RTL9: variants seen among roughly 807,000 people sequenced by gnomAD.
The protein encoded by RTL9 is retrotransposon Gag-like protein 9.
Under a neutral mutation model 44.7 loss-of-function variants are expected in RTL9, and 19 were observed. That is an observed-to-expected ratio of 0.42 (90% CI 0.30 to 0.62). The LOEUF is 0.62. RTL9 is among the 20% of genes least tolerant of loss of function. The probability of loss-of-function intolerance (pLI) is 0.16; values close to 1 mark genes in which losing one functional copy is unlikely to be tolerated. For missense variants in RTL9, 1,105 were observed against 1,080.6 expected (o/e 1.02, Z -0.32); for synonymous variants, 407 against 398.9 (o/e 1.02, Z -0.24).
chrX:110,445,785 A>G (rs1287601987), upstream of RTL9, among the ~76,000 whole-genome samples: 1 of 112,206 alleles, frequency 8.9e-6, no homozygotes, highest in Non-Finnish European at 1.9e-5. Context: ...CGGCAGGAGC[A>G]TGACACCTCC....
intron 1 of RTL9, among the ~76,000 whole-genome samples, chrX:110,396,605 T>C (rs1411971706): frequency 1.8e-5 from 2 of 111,893 alleles, no homozygotes; most frequent in East Asian, 5.6e-4. Flanking sequence ...GTGTATTGGG[T>C]ACTCACAATG....
intron 1 of RTL9, among the ~76,000 whole-genome samples, chrX:110,391,911 A>T (rs1184800663): frequency 1.8e-5 from 2 of 112,385 alleles, no homozygotes; most frequent in Non-Finnish European, 3.8e-5. Context: ...GGCTTAAAAA[A>T]ATGTGAAAAA....
intron 1 of RTL9, among the ~76,000 whole-genome samples, chrX:110,442,093 G>C (rs969739269): frequency 7.2e-5 from 8 of 111,219 alleles, no homozygotes; most frequent in Non-Finnish European, 1.1e-4. Context: ...GGACTGAGCA[G>C]GTCGCTGAAA....
intron 1 of RTL9, among the ~76,000 whole-genome samples, chrX:110,400,257 A>T (rs1473426337): frequency 9.4e-6 from 1 of 106,044 alleles, no homozygotes; most frequent in African/African-American, 3.5e-5. Context: ...CTGCCAGGCT[A>T]AATGTTCAAA....
chrX:110,409,342 T>C (rs753664838), intron 1 of RTL9, among the ~76,000 whole-genome samples: 1 of 111,579 alleles, frequency 9.0e-6, no homozygotes, highest in East Asian at 2.8e-4. Context: ...TGAGACATGC[T>C]GGAGCCAAGG....
exon 1 of RTL9, chrX:110,451,210 C>T (rs764575048): frequency 3.8e-5 from 46 of 1,210,316 alleles, no homozygotes; most frequent in Non-Finnish European, 5.1e-5. Flanking sequence ...ATGCTAGCCC[C>T]AGATTCTGGA....
intron 1 of RTL9, among the ~76,000 whole-genome samples, chrX:110,407,600 G>A (rs1446504143): frequency 1.8e-5 from 2 of 112,143 alleles, no homozygotes; most frequent in Non-Finnish European, 3.8e-5. Context: ...GAATTTCTTT[G>A]TCTTTAAGCA....
intron 1 of RTL9, among the ~76,000 whole-genome samples, chrX:110,382,022 T>A (rs1358784885): frequency 9.0e-6 from 1 of 111,373 alleles, no homozygotes; most frequent in Non-Finnish European, 1.9e-5. Flanking sequence ...TTAAAAAAAA[T>A]TTAAACAGCT....
intron 1 of RTL9, among the ~76,000 whole-genome samples, chrX:110,410,170 G>C (rs758939207): frequency 9.0e-6 from 1 of 111,374 alleles, no homozygotes; most frequent in Non-Finnish European, 1.9e-5. Context: ...AGCAAGTCAT[G>C]GCAGAGTTGG....
upstream of RTL9, among the ~76,000 whole-genome samples, chrX:110,416,348 G>A (rs750272550): frequency 8.0e-5 from 9 of 112,349 alleles, no homozygotes; most frequent in African/African-American, 2.9e-4. Flanking sequence ...ACGAACCGTT[G>A]TTTAATGTTT....
chrX:110,380,971 A>C (rs2068414578), intron 1 of RTL9, among the ~76,000 whole-genome samples: 1 of 112,514 alleles, frequency 8.9e-6, no homozygotes, highest in Admixed American at 9.4e-5. Context: ...TAAATGTAAG[A>C]CTTCAAACTA....
chrX:110,368,196 CA>C (rs1056732576), intron 1 of RTL9, among the ~76,000 whole-genome samples: 3 of 109,679 alleles, frequency 2.7e-5, no homozygotes, highest in Non-Finnish European at 5.7e-5. Context: ...TAATCCAAGC[CA>C]GCATCATTTC....
chrX:110,425,438 G>A (rs2068746562), intron 1 of RTL9, among the ~76,000 whole-genome samples: 2 of 112,998 alleles, frequency 1.8e-5, no homozygotes, highest in Admixed American at 1.9e-4. Context: ...GGAATGGCAG[G>A]CCTAGGGCAG....
At chrX:110,440,229 AAGAG>A (rs758538143) in intron 1 of RTL9, 2 of 109,424 alleles carry the variant, frequency 1.8e-5, no homozygotes, top group South Asian at 3.9e-4. Context: ...AGCCCAGAGA[AAGAG>A]AGAGAGAGAG....
In RTL9 at chrX:110,452,237, A is replaced by C. The variant is rs759267458; in HGVS notation, c.1620A>C (p.Gln540His). ...CCTCTGGATCAATGTCCATGCTGCA[A>C]ATGAGAGCCCCTGTCTCTGAAGCAA... is the stretch of plus-strand genomic sequence containing the variant. Residue 540 changes from glutamine to histidine, a missense_variant, in exon 1 of 2, where the codon CAA becomes CAC. By Grantham distance (24) the Gln-to-His change is conservative. Coordinates refer to ENST00000540313, the Ensembl canonical transcript of RTL9. The C allele has an allele frequency of 9.9e-6, 12 of 1,210,519 alleles. No homozygotes were observed. The highest frequency in any genetic ancestry group is 1.2e-5 in the Non-Finnish European group (11 of 895,373).
upstream of RTL9, among the ~76,000 whole-genome samples, chrX:110,416,380 A>T (rs1228212547): frequency 8.9e-6 from 1 of 112,254 alleles, no homozygotes; most frequent in Non-Finnish European, 1.9e-5. Flanking sequence ...GGCACATGGT[A>T]ACTGCTTTAA....
intron 1 of RTL9, among the ~76,000 whole-genome samples, chrX:110,374,091 T>C (rs2068358914): frequency 8.9e-6 from 1 of 111,815 alleles, no homozygotes; most frequent in Non-Finnish European, 1.9e-5. Flanking sequence ...GAGATAATAT[T>C]CAAAGAGAAA....
At chrX:110,375,300 G>T (rs1354523496) in intron 1 of RTL9, among the ~76,000 whole-genome samples, 1 of 112,054 alleles carries the variant, frequency 8.9e-6, no homozygotes, top group Non-Finnish European at 1.9e-5. Context: ...TGAGAAAGTG[G>T]AATATACACT....
At chrX:110,416,218 G>A (rs762585050), upstream of RTL9, among the ~76,000 whole-genome samples, 2 of 111,760 alleles carry the variant, frequency 1.8e-5, no homozygotes, top group African/African-American at 6.5e-5. Flanking sequence ...CTGAAATCAT[G>A]AGACCAGGAT....
Sources: allele counts gnomAD v4.1 joint callset (sites outside exome capture counted in the v4.1 genomes callset), GRCh38; gene constraint gnomAD v4.1.1; transcripts MANE v1.5; gene names NCBI Gene and HGNC (gene_info 2026-07-23, HGNC 2026-07-21).